SEC16B: variants seen among roughly 807,000 people sequenced by gnomAD.
The protein encoded by SEC16B is protein transport protein Sec16B.
In SEC16B, 115 loss-of-function variants were observed where a neutral mutation model predicts 141.8. The ratio of observed to expected loss-of-function variants is 0.81; its 90% CI spans 0.70 to 0.95. SEC16B has a LOEUF of 0.95. SEC16B is among the 40% of genes least tolerant of loss of function. The pLI is 0.00. For missense variants in SEC16B, 1,291 were observed against 1,312.3 expected (o/e 0.98, Z 0.25); for synonymous variants, 493 against 492.5 (o/e 1.00, Z -0.01).
chr1:177,946,247 C>T, intron 14 of SEC16B, 173 bp downstream of exon 14: 1 of 673,322 alleles, frequency 1.5e-6, no homozygotes, highest in Middle Eastern at 2.5e-4. Context: ...TAATGTGGGG[C>T]CCACGGGGCA....
chr1:177,967,691 C>T lies in SEC16B; in HGVS notation c.291G>A (p.Leu97=), dbSNP rs1653645794. Reference sequence around the variant, plus strand: ...AAGCCCTAAAGCCATACCTTGAATACAACTGATTGCGATAACCACCTTCGT... The same window carrying T: ...AAGCCCTAAAGCCATACCTTGAATATAACTGATTGCGATAACCACCTTCGT... ...DYYEGGYRNQ[L]YSRPGYENSY... Residue 97 remains leucine (L), a synonymous_variant, in exon 2 of 26, where the codon TTG becomes TTA. Coordinates refer to ENST00000308284, the MANE Select transcript of SEC16B (RefSeq NM_033127.4). The T allele has an allele frequency of 6.3e-7, 1 of 1,597,512 alleles. No homozygotes were observed. The highest frequency in any genetic ancestry group is 1.1e-5 in the South Asian group (1 of 88,870).
rs1033472436 is a variant in SEC16B at position 177,928,902 on chromosome 1, G to A, written c.*956C>T. 1.3e-5 allele frequency: 2 copies of A among 152,196 alleles called. No individual in the cohort carries two copies. Among genetic ancestry groups the A allele is most frequent in the African/African-American group, 4.8e-5 (2 of 41,440 alleles). 9.4% of individuals were successfully genotyped at this position (152,196 alleles called of 1,614,324 possible). A position where few individuals can be genotyped will look rare whatever the true frequency, so the allele number is the denominator to read the frequency against. On this transcript the variant is annotated 3_prime_UTR_variant, in exon 26 of 26. Transcript: ENST00000308284. ...CAAAAAAAAATGTTCTTTGTGAGGAGCAATTTTCAGCAAATCTGACAAACA... is the reference window on the plus strand; with the variant it reads ...CAAAAAAAAATGTTCTTTGTGAGGAACAATTTTCAGCAAATCTGACAAACA...
Position 177,958,144 on chromosome 1 carries a change from A to G in SEC16B, c.1353T>C (p.Tyr451=). 1.3e-6 allele frequency: 2 copies of G among 1,517,788 alleles called. No homozygotes were observed. Among genetic ancestry groups the G allele is most frequent in the Non-Finnish European group, 1.8e-6 (2 of 1,128,276 alleles). The allele number at this position is 1,517,788 out of a possible 1,614,324, so 94.0% of individuals were successfully genotyped here. A position where few individuals can be genotyped will look rare whatever the true frequency, so the allele number is the denominator to read the frequency against. The change falls in exon 10 of 26, where the codon TAT becomes TAC. Residue 451 remains tyrosine (Y), a synonymous_variant. Transcript: ENST00000308284. ...AGGGCATACTTGCCTTCTTCCTTCC[A>G]TAGTAGAGCAGCCTAGTGAATTTCT... ...IVEKFTRLLY[Y]GRKKEALEWA...
At chr1:177,931,646 C>A (rs551235534) in intron 24 of SEC16B, among the ~76,000 whole-genome samples, 1 of 152,204 alleles carries the variant, frequency 6.6e-6, no homozygotes, top group Non-Finnish European at 1.5e-5. Context: ...CTCAAGCAAG[C>A]AAACATGGTT....
chr1:177,932,570 C>G lies in SEC16B; in HGVS notation c.2933-1G>C. 6.4e-7 allele frequency: 1 copy of G among 1,556,132 alleles called. No homozygotes were observed. The highest frequency in any genetic ancestry group is 1.2e-5 in the South Asian group (1 of 83,094). On this transcript the variant is annotated splice_acceptor_variant, in intron 23 of 25. Coordinates refer to ENST00000308284, the MANE Select transcript of SEC16B (RefSeq NM_033127.4). LOFTEE classifies it high-confidence loss of function. ...GCGGATCCTCGGCCTTCACCCCCAC[C>G]TGGAAAGTAATGAGGCAGAGCTGTT... is the stretch of plus-strand genomic sequence containing the variant.
At chr1:177,979,390 T>C (rs1654309397) in intron 1 of SEC16B, among the ~76,000 whole-genome samples, 1 of 152,228 alleles carries the variant, frequency 6.6e-6, no homozygotes, top group Non-Finnish European at 1.5e-5. Context: ...CTGTTCCATG[T>C]ACAGAAATGG....
At chr1:177,953,216 A>G (rs1472314170) in intron 11 of SEC16B, among the ~76,000 whole-genome samples, 4 of 152,084 alleles carry the variant, frequency 2.6e-5, no homozygotes, top group African/African-American at 9.6e-5. Flanking sequence ...ATGTTGGCCA[A>G]GCTGGTCTTG....
Position 177,932,772 on chromosome 1 carries a change from C to T in SEC16B, c.2858G>A (p.Gly953Asp), listed in dbSNP as rs1450075890. ...TPRASSPHQA[G>D]LGLSLTPSPE... ...GGAAGGTGTCAGTGAGAGGCCCAGG[C>T]CAGCCTGGTGGGGAGAAGATGCTCT... is the stretch of plus-strand genomic sequence containing the variant. The change falls in exon 23 of 26, where the codon GGC becomes GAC. Residue 953 changes from glycine to aspartate, a missense_variant. Transcript: ENST00000308284. 1.2e-5 allele frequency: 20 copies of T among 1,612,736 alleles called. No individual in the cohort carries two copies. In the South Asian group the frequency reaches 2.2e-4, roughly 18 times the overall value.
Position 177,941,906 on chromosome 1 carries a change from G to A in SEC16B, c.2016C>T (p.Leu672=). 6.2e-7 allele frequency: 1 copy of A among 1,613,812 alleles called. No individual in the cohort carries two copies. Among genetic ancestry groups the A allele is most frequent in the East Asian group, 2.2e-5 (1 of 44,872 alleles). Residue 672 remains leucine (L), a synonymous_variant, in exon 16 of 26, where the codon CTC becomes CTT. Transcript: ENST00000308284. ...AACCCTTTGAGAGGCTCACCTTGAT[G>A]AGTTCCACTAATAGCACAGGGTGAC... ...ESSHPVLLVE[L]IKLAEKLKLS...
chr1:177,949,383 AACACACACACACACAC>A (rs61635250), intron 12 of SEC16B, among the ~76,000 whole-genome samples: 2,112 of 136,834 alleles, frequency 0.015, 26 homozygotes, highest in Non-Finnish European at 0.02. Flanking sequence ...TCCCTTGCTA[AACACACACACACACAC>A]ACACACACAC....
intron 10 of SEC16B, 134 bp from the exon 11 acceptor site, chr1:177,954,510 G>A: frequency 4.6e-6 from 3 of 654,894 alleles, no homozygotes; most frequent in Non-Finnish European, 8.1e-6. Flanking sequence ...ATATAAGAAT[G>A]TGAACAGCCA....
intron 8 of SEC16B, chr1:177,959,347 C>A: frequency 3.7e-6 from 1 of 273,590 alleles, no homozygotes; most frequent in South Asian, 4.2e-5. Context: ...AGCTTTGTCC[C>A]CTAAAATAGG....
intron 1 of SEC16B, among the ~76,000 whole-genome samples, chr1:177,977,932 G>A (rs191625638): frequency 2.0e-5 from 3 of 152,280 alleles, no homozygotes; most frequent in Admixed American, 1.3e-4. Flanking sequence ...CTGTGATGTG[G>A]ATGAAATGAT....
At chr1:177,940,293 G>A (rs1346129734) in intron 17 of SEC16B, among the ~76,000 whole-genome samples, 1 of 152,196 alleles carries the variant, frequency 6.6e-6, no homozygotes, top group Non-Finnish European at 1.5e-5. Flanking sequence ...AGCGGAGATG[G>A]GGAAGCTTTG....
At chr1:177,980,808 C>G (rs1654377910) in intron 1 of SEC16B, among the ~76,000 whole-genome samples, 1 of 151,530 alleles carries the variant, frequency 6.6e-6, no homozygotes, top group African/African-American at 2.4e-5. Context: ...AAAAATCTGC[C>G]TCAACTGAGA....
rs974379328 is a variant in SEC16B at position 177,932,203 on chromosome 1, C to T, written c.3012+287G>A. On this transcript the variant is annotated intron_variant, in intron 24 of 25. Coordinates refer to ENST00000308284, the MANE Select transcript of SEC16B (RefSeq NM_033127.4). ...GCTCAGAGGAAAGGCCATGTGAAGA[C>T]GTGGAAAGAAGATGGCCGGGCACAA... Among the ~76,000 whole-genome samples the T allele has an allele frequency of 5.9e-5, 9 of 152,138 alleles. 1 individual carries two copies. The highest frequency in any genetic ancestry group is 9.7e-5 in the African/African-American group (4 of 41,424).
At chr1:177,955,766 T>A (rs1184923642) in intron 10 of SEC16B, among the ~76,000 whole-genome samples, 1 of 152,252 alleles carries the variant, frequency 6.6e-6, no homozygotes, top group African/African-American at 2.4e-5. Context: ...AAAAGGCCAT[T>A]TGTCAATATC....
chr1:177,965,301 T>C (rs180905244), intron 3 of SEC16B, 134 bp from the exon 4 acceptor site: 136 of 1,084,968 alleles, frequency 1.3e-4, no homozygotes, highest in Non-Finnish European at 4.7e-5. Context: ...ATTGAAAAAA[T>C]AGATAGGTGA....
intron 4 of SEC16B, 28 bp downstream of exon 4, chr1:177,965,019 T>C (rs1159006018): frequency 6.2e-7 from 1 of 1,611,034 alleles, no homozygotes; most frequent in East Asian, 2.2e-5. Flanking sequence ...CAACATCATG[T>C]CAAACTGGCC....
Sources: allele counts gnomAD v4.1 joint callset (sites outside exome capture counted in the v4.1 genomes callset), GRCh38; gene constraint gnomAD v4.1.1; transcripts MANE v1.5; gene names NCBI Gene and HGNC (gene_info 2026-07-23, HGNC 2026-07-21).